The following PLCB1 variants were observed in gnomAD, a reference collection of about 807,000 sequenced individuals.
PLCB1 encodes phospholipase C beta 1, also known as 1-phosphatidylinositol 4,5-bisphosphate phosphodiesterase beta-1.
In PLCB1, 46 loss-of-function variants were observed where a neutral mutation model predicts 161.8. The ratio of observed to expected loss-of-function variants is 0.28; its 90% confidence interval spans 0.22 to 0.36. The LOEUF is 0.36. PLCB1 is among the 10% of genes least tolerant of loss of function. PLCB1 has a pLI of 1.00. For synonymous variants in PLCB1, 517 were observed against 503.7 expected (o/e 1.03, Z -0.35); for missense variants, 1,016 against 1,472.5 (o/e 0.69, Z 5.07).
chr20:8,859,340 A>T (rs1987177101), intron 31 of PLCB1, among the ~76,000 whole-genome samples: 1 of 152,166 alleles, frequency 6.6e-6, no homozygotes, highest in Non-Finnish European at 1.5e-5. Context: ...AATCATAACA[A>T]TTACCTTTAA....
chr20:8,581,035 G>A (rs1412049904), intron 3 of PLCB1, among the ~76,000 whole-genome samples: 1 of 152,206 alleles, frequency 6.6e-6, no homozygotes, highest in African/African-American at 2.4e-5. Context: ...CTCAAAGTCT[G>A]TACTAAGGAG....
chr20:8,421,862 G>A (rs1379555565), intron 3 of PLCB1, among the ~76,000 whole-genome samples: 1 of 152,144 alleles, frequency 6.6e-6, no homozygotes, highest in African/African-American at 2.4e-5. Context: ...AGATTCTCAG[G>A]TAAAATGAAT....
chr20:8,426,534 A>C (rs2122563147), intron 3 of PLCB1, among the ~76,000 whole-genome samples: 1 of 152,312 alleles, frequency 6.6e-6, no homozygotes, highest in Non-Finnish European at 1.5e-5. Flanking sequence ...TTTGTGCTTC[A>C]AAACTTCAGA....
intron 23 of PLCB1, chr20:8,751,731 C>A (rs920835715): frequency 6.6e-6 from 1 of 152,146 alleles, no homozygotes; most frequent in Non-Finnish European, 1.5e-5. Context: ...GTCAATGCGA[C>A]TGAAGTACTA....
intron 2 of PLCB1, among the ~76,000 whole-genome samples, chr20:8,322,368 A>G (rs768541319): frequency 6.6e-6 from 1 of 152,042 alleles, no homozygotes; most frequent in Non-Finnish European, 1.5e-5. Flanking sequence ...ACTTCTATCA[A>G]CCCATCCCCA....
chr20:8,861,920 C>T (rs1328842147), intron 31 of PLCB1, among the ~76,000 whole-genome samples: 1 of 152,060 alleles, frequency 6.6e-6, no homozygotes, highest in African/African-American at 2.4e-5. Flanking sequence ...ACTTGATTAA[C>T]TTGACTTATT....
At chr20:8,472,165 T>A (rs1409625970) in intron 3 of PLCB1, among the ~76,000 whole-genome samples, 1 of 152,206 alleles carries the variant, frequency 6.6e-6, no homozygotes, top group East Asian at 1.9e-4. Context: ...AGTAGCAGAA[T>A]TTTTGTTTCA....
At chr20:8,315,939 G>C (rs1984627188) in intron 2 of PLCB1, among the ~76,000 whole-genome samples, 3 of 152,162 alleles carry the variant, frequency 2.0e-5, no homozygotes, top group African/African-American at 7.2e-5. Context: ...TTTCACTCCT[G>C]TTTTTCTAAT....
In PLCB1 at chr20:8,132,836, A is replaced by T. The variant is rs967738675; in HGVS notation, c.99+86A>T. On this transcript the variant is annotated intron_variant, in intron 1 of 31. Transcript: ENST00000338037. This position sits in a 1 kb window ranked among gnomAD's most constrained non-coding sequence, Gnocchi z 5.2. ...GTGGGGGTGGGGCAAGGGGCGCGTT[A>T]TGCAATGGGCGCACTGGGAGCGGGC... is the stretch of plus-strand genomic sequence containing the variant. The T allele has an allele frequency of 1.1e-6, 1 of 904,216 alleles. No individual in the cohort carries two copies. The highest frequency in any genetic ancestry group is 1.8e-6 in the Non-Finnish European group (1 of 567,992). The allele number at this position is 904,216 out of a possible 1,614,324, so 56.0% of individuals were successfully genotyped here.
At chr20:8,740,694 A>G (rs1238009427) in intron 22 of PLCB1, among the ~76,000 whole-genome samples, 1 of 152,214 alleles carries the variant, frequency 6.6e-6, no homozygotes, top group Non-Finnish European at 1.5e-5. Context: ...ATTCCCTTTT[A>G]GTCTTATTCT....
chr20:8,807,879 G>C (rs771064906), intron 31 of PLCB1, among the ~76,000 whole-genome samples: 2 of 152,008 alleles, frequency 1.3e-5, no homozygotes, highest in Non-Finnish European at 2.9e-5. Context: ...CTTAATCTTA[G>C]TTTCTAATGT....
intron 19 of PLCB1, among the ~76,000 whole-genome samples, chr20:8,734,779 A>G (rs987770984): frequency 1.3e-5 from 2 of 152,112 alleles, no homozygotes; most frequent in African/African-American, 2.4e-5. Context: ...GTTTAACTGA[A>G]TAACTATAGA....
chr20:8,134,938 G>T (rs6140547), intron 1 of PLCB1, among the ~76,000 whole-genome samples: 1 of 151,880 alleles, frequency 6.6e-6, no homozygotes, highest in Admixed American at 6.6e-5. Context: ...CTATCTTGCA[G>T]GCTCTTTGGT....
chr20:8,434,172 A>G (rs1353313886), intron 3 of PLCB1, among the ~76,000 whole-genome samples: 1 of 152,188 alleles, frequency 6.6e-6, no homozygotes, highest in Non-Finnish European at 1.5e-5. Context: ...TAATTCATGT[A>G]TTCATTCTAG....
intron 3 of PLCB1, among the ~76,000 whole-genome samples, chr20:8,532,643 G>T (rs1160557806): frequency 6.6e-6 from 1 of 152,072 alleles, no homozygotes; most frequent in Non-Finnish European, 1.5e-5. Context: ...GAGTATGGAG[G>T]GGAATATATT....
intron 3 of PLCB1, among the ~76,000 whole-genome samples, chr20:8,400,515 G>C (rs73897435): frequency 0.02 from 3,038 of 152,186 alleles, 113 homozygotes; most frequent in African/African-American, 0.07. Flanking sequence ...ACTATTAAAG[G>C]TTATCTTATT....
chr20:8,429,708 A>G (rs771946), intron 3 of PLCB1, among the ~76,000 whole-genome samples: 72,303 of 151,820 alleles, frequency 0.48, 17,880 homozygotes, highest in African/African-American at 0.52. Context: ...TTTCTATTAG[A>G]AAGATATTTA....
At chr20:8,709,418 C>T (rs539277769) in intron 12 of PLCB1, among the ~76,000 whole-genome samples, 10 of 152,298 alleles carry the variant, frequency 6.6e-5, no homozygotes, top group African/African-American at 2.2e-4. Flanking sequence ...CTTTAAAGAG[C>T]TTCAGAATGA....
intron 2 of PLCB1, among the ~76,000 whole-genome samples, chr20:8,225,322 G>T (rs929025647): frequency 1.3e-5 from 2 of 151,962 alleles, no homozygotes; most frequent in Admixed American, 6.6e-5. Flanking sequence ...TTACAATAGG[G>T]TCTGAATGAA....
Sources: allele counts gnomAD v4.1 joint callset (sites outside exome capture counted in the v4.1 genomes callset), GRCh38; gene constraint gnomAD v4.1.1; non-coding constraint Gnocchi (gnomAD v3.1); transcripts MANE v1.5; gene names NCBI Gene and HGNC (gene_info 2026-07-23, HGNC 2026-07-21).